Variants in PARD3B observed in about 807,000 individuals in gnomAD.
PARD3B encodes partitioning defective 3 homolog B.
Under a neutral mutation model 130.2 loss-of-function variants are expected in PARD3B, and 103 were observed. The ratio of observed to expected loss-of-function variants is 0.79; its 90% CI spans 0.67 to 0.93. The LOEUF is 0.93. Among genes scored for constraint, PARD3B ranks in the 40% least tolerant of loss-of-function variants. PARD3B has a pLI of 0.00. For missense variants in PARD3B, 1,609 were observed against 1,499.2 expected (o/e 1.07, Z -1.21); for synonymous variants, 583 against 553.2 (o/e 1.05, Z -0.76).
intron 10 of PARD3B, among the ~76,000 whole-genome samples, chr2:205,156,704 T>C (rs1282563571): frequency 1.3e-5 from 2 of 152,152 alleles, no homozygotes; most frequent in Non-Finnish European, 2.9e-5. Flanking sequence ...CACAGGTTTG[T>C]TGTGAAGCAT....
chr2:205,022,510 T>A (rs536796354), intron 3 of PARD3B, among the ~76,000 whole-genome samples: 1 of 152,344 alleles, frequency 6.6e-6, no homozygotes, highest in South Asian at 2.1e-4. Flanking sequence ...TCAATATTGT[T>A]CTTTTTCTCT....
chr2:204,873,959 A>G (rs2125653381), intron 2 of PARD3B, among the ~76,000 whole-genome samples: 1 of 152,224 alleles, frequency 6.6e-6, no homozygotes, highest in East Asian at 1.9e-4. Flanking sequence ...CCTGGTTAAT[A>G]TGGTGAAACC....
Position 205,103,697 on chromosome 2 carries a change from C to T in PARD3B, c.505-729C>T, listed in dbSNP as rs535849062. 935 of 985,260 alleles carry T rather than the reference C, an allele frequency of 9.5e-4. 1 individual carries two copies. Among genetic ancestry groups the T allele is most frequent in the Non-Finnish European group, 1.1e-3 (878 of 829,828 alleles). The allele number at this position is 985,260 out of a possible 1,614,324, so 61.0% of individuals were successfully genotyped here. A position where few individuals can be genotyped will look rare whatever the true frequency, so the allele number is the denominator to read the frequency against. On this transcript the variant is annotated intron_variant, in intron 4 of 22. Transcript: ENST00000406610. ...CCCTGTTAGGGAACAGCTCTGAGCC[C>T]TAATGTCTTCTGTAAGGAAGCAGCA...
At chr2:205,035,851 C>A (rs573348023) in intron 3 of PARD3B, among the ~76,000 whole-genome samples, 985 of 74,680 alleles carry the variant, frequency 0.013, 12 homozygotes, top group Non-Finnish European at 0.02. Context: ...ATATAGTGGG[C>A]TATATATATA....
At chr2:204,686,408 C>G in intron 2 of PARD3B, 126 bp downstream of exon 2, 1 of 687,482 alleles carries the variant, frequency 1.5e-6, no homozygotes. Flanking sequence ...TCAGGTTTCA[C>G]CTGGACAGCC....
intron 21 of PARD3B, among the ~76,000 whole-genome samples, chr2:205,543,686 CAT>C (rs1343344535): frequency 6.6e-6 from 1 of 152,130 alleles, no homozygotes; most frequent in Non-Finnish European, 1.5e-5. Context: ...TTCATTTCCT[CAT>C]GTGTGAAATG....
intron 2 of PARD3B, among the ~76,000 whole-genome samples, chr2:204,813,212 G>C (rs1440069334): frequency 6.6e-6 from 1 of 152,104 alleles, no homozygotes; most frequent in African/African-American, 2.4e-5. Flanking sequence ...CCAAGGTTTA[G>C]TATAGTTAAT....
At chr2:205,202,732 G>T (rs911619230) in intron 15 of PARD3B, among the ~76,000 whole-genome samples, 7 of 152,114 alleles carry the variant, frequency 4.6e-5, no homozygotes, top group African/African-American at 1.7e-4. Flanking sequence ...TTAACCTAAT[G>T]CCTAGAACAT....
chr2:205,462,493 C>T (rs2048484274), intron 20 of PARD3B, among the ~76,000 whole-genome samples: 1 of 152,102 alleles, frequency 6.6e-6, no homozygotes, highest in African/African-American at 2.4e-5. Context: ...TCACCTATAC[C>T]ACGTGTCTGA....
At chr2:204,705,072 A>G (rs1347285815) in intron 2 of PARD3B, among the ~76,000 whole-genome samples, 3 of 152,226 alleles carry the variant, frequency 2.0e-5, no homozygotes, top group Non-Finnish European at 4.4e-5. Flanking sequence ...CTTGCAACAC[A>G]TCAAATATAG....
intron 22 of PARD3B, among the ~76,000 whole-genome samples, chr2:205,560,500 G>GA (rs1365182068): frequency 1.3e-5 from 2 of 152,140 alleles, no homozygotes; most frequent in Non-Finnish European, 2.9e-5. Context: ...CCTGAGAGTT[G>GA]AAAAAACAGT....
At chr2:205,028,642 C>T (rs1036086830) in intron 3 of PARD3B, among the ~76,000 whole-genome samples, 1 of 152,114 alleles carries the variant, frequency 6.6e-6, no homozygotes, top group African/African-American at 2.4e-5. Flanking sequence ...CCATCTCTCA[C>T]CACTTCTATT....
rs17595196 is a variant in PARD3B at position 204,686,292 on chromosome 2, T to G, written c.222+10T>G. The G allele has an allele frequency of 0.013, 20,050 of 1,580,386 alleles. 1,082 individuals are homozygous for G. In the African/African-American group the frequency reaches 0.13, roughly 11 times the overall value. ...TGAAGATAAAGACAAGGTAGATAAC[T>G]CTAAAAATGTGCCTCTTTGTTTTCC... On this transcript the variant is annotated intron_variant, in intron 2 of 22. Coordinates refer to ENST00000406610, the MANE Select transcript of PARD3B (RefSeq NM_001302769.2).
chr2:205,260,471 T>A (rs539631184), intron 16 of PARD3B, among the ~76,000 whole-genome samples: 1 of 152,238 alleles, frequency 6.6e-6, no homozygotes, highest in Non-Finnish European at 1.5e-5. Context: ...CATGGTGACT[T>A]TTTCTTTATA....
In PARD3B at chr2:205,341,862, A is replaced by G. The variant is rs977784334; in HGVS notation, c.2630+40161A>G. ...ACTCCTAAATATGTACAATTATTAC[A>G]CATCAACTAAAAATAAAAGGAAAAA... On this transcript the variant is annotated intron_variant, in intron 18 of 22. Coordinates refer to ENST00000406610, the MANE Select transcript of PARD3B (RefSeq NM_001302769.2). This position sits in a 1 kb window ranked among gnomAD's most constrained non-coding sequence, Gnocchi z 4.3. Among the ~76,000 whole-genome samples, 7 of 152,140 alleles carry G rather than the reference A, an allele frequency of 4.6e-5. No individual in the cohort carries two copies. The highest frequency in any genetic ancestry group is 1.7e-4 in the African/African-American group (7 of 41,454).
At chr2:205,089,810 A>T (rs920471690) in intron 4 of PARD3B, among the ~76,000 whole-genome samples, 8 of 152,178 alleles carry the variant, frequency 5.3e-5, no homozygotes, top group Non-Finnish European at 1.2e-4. Flanking sequence ...AAAGAATGAA[A>T]ACCAGGTTTT....
intron 14 of PARD3B, among the ~76,000 whole-genome samples, chr2:205,192,924 A>T (rs2036473164): frequency 1.3e-5 from 2 of 152,174 alleles, no homozygotes; most frequent in South Asian, 4.1e-4. Flanking sequence ...ACTTAAAGTT[A>T]TATAGTGTAC....
In PARD3B at chr2:205,461,669, C is replaced by T. The variant is rs186737043; in HGVS notation, c.3044+20997C>T. ...AGATAATTGTTCTCAAATTTGAGCA[C>T]GCATCAGAATCACCTGGAGAACTTG... On this transcript the variant is annotated intron_variant, in intron 20 of 22. Transcript: ENST00000406610. The surrounding 1 kb of genome is among the most constrained non-coding windows in gnomAD (Gnocchi z 4.3). Among the ~76,000 whole-genome samples, 4 of 152,282 alleles carry T rather than the reference C, an allele frequency of 2.6e-5. No individual in the cohort carries two copies. The highest frequency in any genetic ancestry group is 3.9e-4 in the East Asian group (2 of 5,182).
intron 5 of PARD3B, among the ~76,000 whole-genome samples, chr2:205,110,634 G>GTTTTT (rs67202996): frequency 9.6e-6 from 1 of 104,684 alleles, no homozygotes; most frequent in African/African-American, 3.2e-5. Flanking sequence ...TCTGTTTTTT[G>GTTTTT]TTTTTTGTTT....
Sources: gnomAD v4.1 joint callset for allele counts (sites outside exome capture counted in the v4.1 genomes callset) on GRCh38, gnomAD v4.1.1 for gene constraint, Gnocchi (gnomAD v3.1) non-coding constraint, MANE v1.5 for transcripts, NCBI Gene and HGNC (gene_info 2026-07-23, HGNC 2026-07-21) for gene names.